The following RBFOX1 variants were observed in gnomAD, a reference collection of about 807,000 sequenced individuals.
RBFOX1 encodes RNA binding protein fox-1 homolog 1.
A neutral mutation model predicts 57.7 loss-of-function variants in RBFOX1; 8 were observed. The observed-to-expected ratio is 0.14, with a 90% CI of 0.08 to 0.25. The LOEUF is 0.25. Ranked by LOEUF, RBFOX1 falls within the 10% of genes least tolerant of loss-of-function variation. The pLI is 1.00. For synonymous variants in RBFOX1, 326 were observed against 222.4 expected, an observed-to-expected ratio of 1.47 and a Z score of -4.15; for missense variants, 611 against 548.5, an observed-to-expected ratio of 1.11 and a Z score of -1.14.
At chr16:6,270,474 A>C (rs1468419147) in intron 1 of RBFOX1, among the ~76,000 whole-genome samples, 1 of 149,224 alleles carries the variant, frequency 6.7e-6, no homozygotes, top group Non-Finnish European at 1.5e-5. Context: ...AAAAAAAAAA[A>C]ACAACTAGAA....
At chr16:5,699,744 C>G (rs1567414062) in intron 3 of RBFOX1, among the ~76,000 whole-genome samples, 1 of 152,114 alleles carries the variant, frequency 6.6e-6, no homozygotes, top group Admixed American at 6.5e-5. Flanking sequence ...TTATCCTGCC[C>G]AAAATACCAA....
At chr16:6,652,832 G>C (rs1181433441) in intron 2 of RBFOX1, among the ~76,000 whole-genome samples, 3 of 152,120 alleles carry the variant, frequency 2.0e-5, no homozygotes, top group Non-Finnish European at 4.4e-5. Flanking sequence ...ATGGAGGGTG[G>C]TGATGGTTGC....
intron 3 of RBFOX1, among the ~76,000 whole-genome samples, chr16:5,747,379 C>T (rs1227923706): frequency 6.6e-6 from 1 of 152,178 alleles, no homozygotes; most frequent in African/African-American, 2.4e-5. Flanking sequence ...GCTTTGGTAT[C>T]AGGATGACGC....
intron 1 of RBFOX1, among the ~76,000 whole-genome samples, chr16:6,296,342 C>T (rs1227217847): frequency 6.6e-6 from 1 of 152,082 alleles, no homozygotes; most frequent in Non-Finnish European, 1.5e-5. Flanking sequence ...CTAGCAGCCT[C>T]ACTATACTTA....
intron 3 of RBFOX1, among the ~76,000 whole-genome samples, chr16:6,690,832 C>G (rs931411095): frequency 6.6e-6 from 1 of 150,552 alleles, no homozygotes; most frequent in African/African-American, 2.5e-5. Context: ...ATTTTCCTTC[C>G]TCTAAATTCA....
intron 1 of RBFOX1, chr16:6,059,396 C>G (rs1220617225): frequency 6.6e-6 from 1 of 152,050 alleles, no homozygotes; most frequent in Non-Finnish European, 1.5e-5. Context: ...ATCAAAATCT[C>G]TTTAATATTA....
chr16:6,386,227 T>G (rs2092272145), intron 2 of RBFOX1, among the ~76,000 whole-genome samples: 1 of 152,182 alleles, frequency 6.6e-6, no homozygotes, highest in African/African-American at 2.4e-5. Context: ...AAGAACACAT[T>G]TCTAAGCTTC....
Position 5,911,733 on chromosome 16 carries a change from G to A in RBFOX1, c.351+44398G>A, listed in dbSNP as rs536753574. Among the ~76,000 whole-genome samples the A allele has an allele frequency of 1.5e-3, 236 of 152,284 alleles. 2 individuals are homozygous for A. Among genetic ancestry groups the A allele is most frequent in the African/African-American group, 5.3e-3 (222 of 41,558 alleles). ...TGAAGGCAGATTCCGTGTCTGGTGA[G>A]AGTCCACATTCTGGTTCACAGGTGG... On this transcript the variant is annotated intron_variant, in intron 4 of 19. Transcript: ENST00000641259.
chr16:6,832,746 G>C (rs562056253), intron 3 of RBFOX1, among the ~76,000 whole-genome samples: 3 of 152,184 alleles, frequency 2.0e-5, no homozygotes, highest in Non-Finnish European at 4.4e-5. Context: ...GCAGCTCTCT[G>C]TAACTGTCCC....
chr16:5,398,457 G>A (rs573179052), intron 1 of RBFOX1, among the ~76,000 whole-genome samples: 3 of 152,028 alleles, frequency 2.0e-5, no homozygotes, highest in South Asian at 2.1e-4. Context: ...GTGTGTATGT[G>A]TATGCATGTG....
intron 2 of RBFOX1, among the ~76,000 whole-genome samples, chr16:6,333,601 C>T (rs1021308600): frequency 2.6e-5 from 4 of 152,254 alleles, no homozygotes; most frequent in South Asian, 4.2e-4. Flanking sequence ...GTCATTTCTA[C>T]ACCTCTGAAA....
rs192442263 is a variant in RBFOX1, at chr16:6,558,927, C to G, written c.-63-95676C>G. ...GGAATGTGCCCCTCCTGCCTCACCA[C>G]AACCTTTGCAGAGTTAGCTTTTACT... On this transcript the variant is annotated intron_variant, in intron 2 of 15. Coordinates refer to ENST00000550418, the MANE Select transcript of RBFOX1 (RefSeq NM_018723.4). Among the ~76,000 whole-genome samples the G allele has an allele frequency of 1.1e-3, 160 of 152,266 alleles. 1 individual carries two copies. Among genetic ancestry groups the G allele is most frequent in the Non-Finnish European group, 1.9e-3 (129 of 68,030 alleles).
intron 3 of RBFOX1, among the ~76,000 whole-genome samples, chr16:5,631,021 A>G (rs2048489711): frequency 6.6e-6 from 1 of 152,238 alleles, no homozygotes; most frequent in Non-Finnish European, 1.5e-5. Context: ...GAAGGGTCGC[A>G]CTTGTATCTA....
intron 1 of RBFOX1, among the ~76,000 whole-genome samples, chr16:6,113,281 C>G (rs1208445402): frequency 6.6e-6 from 1 of 152,196 alleles, no homozygotes; most frequent in East Asian, 1.9e-4. Flanking sequence ...TAAGCTTCTG[C>G]TCACATCACT....
chr16:6,286,426 G>C (rs1873326898), intron 1 of RBFOX1, among the ~76,000 whole-genome samples: 1 of 152,204 alleles, frequency 6.6e-6, no homozygotes, highest in Non-Finnish European at 1.5e-5. Context: ...GGCTACCTTG[G>C]CTGAGTTGCT....
At chr16:6,304,932 C>A (rs2079299130) in intron 1 of RBFOX1, among the ~76,000 whole-genome samples, 1 of 145,912 alleles carries the variant, frequency 6.9e-6, no homozygotes, top group African/African-American at 2.6e-5. Flanking sequence ...GCTTTGTAAA[C>A]CTGTTGCACA....
chr16:7,550,871 A>G (rs924631496), intron 5 of RBFOX1, among the ~76,000 whole-genome samples: 5 of 152,162 alleles, frequency 3.3e-5, no homozygotes, highest in African/African-American at 1.2e-4. Context: ...AGGCAGGCGG[A>G]TCACTTGAGG....
intron 3 of RBFOX1, among the ~76,000 whole-genome samples, chr16:5,788,475 A>G (rs1256894166): frequency 1.3e-5 from 2 of 152,006 alleles, no homozygotes; most frequent in Admixed American, 6.5e-5. Context: ...CCAAAAATAC[A>G]AAATTTAGCT....
At chr16:6,337,558 C>T (rs932681694) in intron 2 of RBFOX1, among the ~76,000 whole-genome samples, 1 of 152,160 alleles carries the variant, frequency 6.6e-6, no homozygotes, top group African/African-American at 2.4e-5. Flanking sequence ...CAATTGTACA[C>T]CTGGATGCCA....
Sources: allele counts gnomAD v4.1 joint callset (sites outside exome capture counted in the v4.1 genomes callset), GRCh38; gene constraint gnomAD v4.1.1; transcripts MANE v1.5; gene names NCBI Gene and HGNC (gene_info 2026-07-23, HGNC 2026-07-21).